The following ARHGAP6 variants were observed in gnomAD, a reference collection of about 807,000 sequenced individuals.
ARHGAP6 encodes the protein rho GTPase-activating protein 6.
ARHGAP6 carries 16 observed loss-of-function variants against 55.7 expected under a neutral mutation model. That is an observed-to-expected ratio of 0.29 (90% CI 0.19 to 0.44). The LOEUF (loss-of-function observed/expected upper bound fraction) is 0.44, where lower values mean the gene tolerates loss of function less well. Ranked by LOEUF, ARHGAP6 falls within the 20% of genes least tolerant of loss-of-function variation. The pLI is 1.00. For synonymous variants in ARHGAP6, 382 were observed against 360.9 expected (o/e 1.06, Z -0.66); for missense variants, 698 against 808.9 (o/e 0.86, Z 1.66).
In ARHGAP6 at chrX:11,330,634, A is replaced by G. The variant is rs946333869; in HGVS notation, c.589-75927T>C. On this transcript the variant is annotated intron_variant, in intron 1 of 12. Coordinates refer to ENST00000337414, the MANE Select transcript of ARHGAP6 (RefSeq NM_013427.3). ...TCGTTTGTGCCAGGCATAGAGCTCT[A>G]TGCTCTAGATGTGTTTACTCATCTA... Among the ~76,000 whole-genome samples the G allele has an allele frequency of 2.7e-5, 3 of 111,582 alleles. No homozygotes were observed. In the Admixed American group the frequency reaches 2.9e-4, roughly 11 times the overall value.
chrX:11,660,064 G>GA (rs1347571511), intron 1 of ARHGAP6, among the ~76,000 whole-genome samples: 2 of 111,548 alleles, frequency 1.8e-5, no homozygotes, highest in Non-Finnish European at 3.8e-5. Flanking sequence ...AGCACAGTGA[G>GA]ACGCTTCGTA....
At chrX:11,335,769 C>A in intron 1 of ARHGAP6, 1 of 294,844 alleles carries the variant, frequency 3.4e-6, no homozygotes, top group Non-Finnish European at 6.4e-6. Flanking sequence ...TTGGTGGTTC[C>A]CAGGATGGGA....
intron 3 of ARHGAP6, among the ~76,000 whole-genome samples, chrX:11,192,353 G>A (rs769725026): frequency 2.7e-5 from 3 of 110,871 alleles, no homozygotes; most frequent in Non-Finnish European, 5.7e-5. Flanking sequence ...TCCCACCCTA[G>A]CCTAAGGTAC....
intron 2 of ARHGAP6, among the ~76,000 whole-genome samples, chrX:11,203,527 T>A (rs191589782): frequency 0.015 from 1,688 of 111,928 alleles, 27 homozygotes; most frequent in African/African-American, 0.052. Context: ...ATGGAGGCTG[T>A]TGTCCTCTGT....
intron 10 of ARHGAP6, among the ~76,000 whole-genome samples, chrX:11,151,216 C>T (rs73184305): frequency 0.2 from 21,474 of 109,654 alleles, 1,601 homozygotes; most frequent in Middle Eastern, 0.27. Context: ...TGCTAGTAAA[C>T]ATACCTGACA....
chrX:11,505,129 C>T (rs1305546947), intron 1 of ARHGAP6, among the ~76,000 whole-genome samples: 2 of 110,375 alleles, frequency 1.8e-5, no homozygotes, highest in African/African-American at 6.6e-5. Flanking sequence ...CAACCTCCCA[C>T]CAGTATAGTG....
intron 1 of ARHGAP6, among the ~76,000 whole-genome samples, chrX:11,531,568 T>C: frequency 9.1e-6 from 1 of 110,249 alleles, no homozygotes; most frequent in East Asian, 2.8e-4. Flanking sequence ...TCTTTCATGT[T>C]TGTCAACCTA....
intron 1 of ARHGAP6, among the ~76,000 whole-genome samples, chrX:11,286,784 T>G (rs943663006): frequency 3.6e-5 from 4 of 112,041 alleles, no homozygotes; most frequent in Non-Finnish European, 5.6e-5. Context: ...GACAAACCTT[T>G]TTGTAGAGGT....
At position 11,472,312 on chromosome X, in the gene ARHGAP6, C is replaced by G. The variant is rs750931838; in HGVS notation, c.588+191929G>C. ...CAAAATCCCTCCATGTTAAGAACCA[C>G]TGACATAAATGAATTCAATAATTTC... On this transcript the variant is annotated intron_variant, in intron 1 of 12. Transcript: ENST00000337414. 2.7e-5 allele frequency among the ~76,000 whole-genome samples: 3 copies of G among 111,838 alleles called. No individual in the cohort carries two copies. The South Asian group carries it at 1.1e-3, about 42-fold the overall frequency.
chrX:11,608,997 A>G (rs1024415323), intron 1 of ARHGAP6, among the ~76,000 whole-genome samples: 2 of 111,830 alleles, frequency 1.8e-5, no homozygotes, highest in African/African-American at 3.3e-5. Context: ...CGTCATAACT[A>G]AAAAAGCAAC....
intron 8 of ARHGAP6, among the ~76,000 whole-genome samples, chrX:11,174,586 C>CTT (rs1445922202): frequency 0.017 from 1,538 of 89,461 alleles, 43 homozygotes; most frequent in Middle Eastern, 0.031. Context: ...TTCTTTCTTT[C>CTT]TTTCTTTTTC....
At chrX:11,392,036 C>T (rs1239433043) in intron 1 of ARHGAP6, among the ~76,000 whole-genome samples, 1 of 112,057 alleles carries the variant, frequency 8.9e-6, no homozygotes, top group African/African-American at 3.2e-5. Flanking sequence ...GAAAAAGAAG[C>T]ATTCCTCAAA....
At chrX:11,276,568 T>C (rs755553419) in intron 1 of ARHGAP6, among the ~76,000 whole-genome samples, 1 of 111,766 alleles carries the variant, frequency 8.9e-6, no homozygotes, top group Non-Finnish European at 1.9e-5. Flanking sequence ...GAGACAAACA[T>C]GTAAAAGGGA....
intron 1 of ARHGAP6, among the ~76,000 whole-genome samples, chrX:11,523,673 C>A (rs2050959025): frequency 9.0e-6 from 1 of 111,705 alleles, no homozygotes; most frequent in Non-Finnish European, 1.9e-5. Flanking sequence ...TTCTTTCCAG[C>A]CCCCATGGCC....
At chrX:11,599,617 G>A (rs1465286650) in intron 1 of ARHGAP6, among the ~76,000 whole-genome samples, 1 of 111,796 alleles carries the variant, frequency 8.9e-6, no homozygotes, top group African/African-American at 3.3e-5. Context: ...AGTTTTCAGG[G>A]GCTGGGGGAA....
chrX:11,330,041 T>C (rs919352002), intron 1 of ARHGAP6, among the ~76,000 whole-genome samples: 1 of 113,080 alleles, frequency 8.8e-6, no homozygotes, highest in African/African-American at 3.2e-5. Context: ...CATTTTACAA[T>C]AACAACAACA....
intron 1 of ARHGAP6, among the ~76,000 whole-genome samples, chrX:11,323,759 G>A (rs760322899): frequency 8.4e-4 from 91 of 107,973 alleles, no homozygotes; most frequent in African/African-American, 2.9e-3. Flanking sequence ...CAGCTACTCA[G>A]GAGGCTGAGG....
At chrX:11,604,287 C>A (rs892486524) in intron 1 of ARHGAP6, among the ~76,000 whole-genome samples, 1 of 111,684 alleles carries the variant, frequency 9.0e-6, no homozygotes, top group African/African-American at 3.3e-5. Flanking sequence ...TCACACTGTA[C>A]AAGAATCCCA....
intron 1 of ARHGAP6, among the ~76,000 whole-genome samples, chrX:11,464,426 G>A (rs1294440003): frequency 1.8e-5 from 2 of 111,769 alleles, no homozygotes; most frequent in Non-Finnish European, 3.8e-5. Context: ...TACACACAAG[G>A]ATGTATCAAA....
Sources: allele counts gnomAD v4.1 joint callset (sites outside exome capture counted in the v4.1 genomes callset), GRCh38; gene constraint gnomAD v4.1.1; transcripts MANE v1.5; gene names NCBI Gene and HGNC (gene_info 2026-07-23, HGNC 2026-07-21).